Variants in PKN2 observed in about 807,000 individuals in gnomAD.
PKN2 encodes protein kinase N2, also known as serine/threonine-protein kinase N2.
In PKN2, 38 loss-of-function variants were observed where a neutral mutation model predicts 119.1. The observed-to-expected ratio is 0.32, with a 90% CI of 0.25 to 0.42. The LOEUF (loss-of-function observed/expected upper bound fraction) is 0.42. Ranked by LOEUF, PKN2 falls within the 10% of genes least tolerant of loss-of-function variation. The pLI, the probability that PKN2 is intolerant of heterozygous loss-of-function variation, is 1.00. For missense variants in PKN2, 850 were observed against 1,165.1 expected (o/e 0.73, Z 3.94); for synonymous variants, 390 against 384.9 (o/e 1.01, Z -0.15).
chr1:88,798,531 A>G (rs1462213948), intron 8 of PKN2, among the ~76,000 whole-genome samples: 1 of 152,192 alleles, frequency 6.6e-6, no homozygotes, highest in Non-Finnish European at 1.5e-5. Context: ...AATAGGAAAT[A>G]TAACTTCTGA....
chr1:88,684,828 C>A, intron 1 of PKN2, 200 bp downstream of exon 1: 1 of 507,826 alleles, frequency 2.0e-6, no homozygotes, highest in Non-Finnish European at 3.5e-6. Context: ...CCGCCAAAGC[C>A]CTGGCCTGCC....
intron 3 of PKN2, among the ~76,000 whole-genome samples, chr1:88,767,353 G>C (rs963648779): frequency 2.6e-5 from 4 of 152,148 alleles, no homozygotes; most frequent in South Asian, 2.1e-4. Context: ...AAATACATTT[G>C]TCCCATTAAA....
At chr1:88,699,290 T>C (rs1439632282) in intron 1 of PKN2, among the ~76,000 whole-genome samples, 1 of 152,230 alleles carries the variant, frequency 6.6e-6, no homozygotes, top group Non-Finnish European at 1.5e-5. Context: ...TTCAGATGTA[T>C]ATATTTCATT....
intron 12 of PKN2, chr1:88,806,400 C>A (rs1041446333): frequency 5.1e-6 from 1 of 197,418 alleles, no homozygotes; most frequent in Non-Finnish European, 1.0e-5. Flanking sequence ...AAACTCCTGA[C>A]CTCGGGTGAT....
chr1:88,694,860 G>T (rs1274810099), intron 1 of PKN2, among the ~76,000 whole-genome samples: 1 of 152,176 alleles, frequency 6.6e-6, no homozygotes, highest in Non-Finnish European at 1.5e-5. Context: ...TGAATATGGA[G>T]ATAGGTCTGA....
At chr1:88,690,031 T>C (rs1055145284) in intron 1 of PKN2, among the ~76,000 whole-genome samples, 1 of 152,252 alleles carries the variant, frequency 6.6e-6, no homozygotes, top group Non-Finnish European at 1.5e-5. Flanking sequence ...GATAAAAGTC[T>C]GTGTTAAAAC....
intron 2 of PKN2, among the ~76,000 whole-genome samples, chr1:88,758,896 T>C (rs780746400): frequency 2.0e-5 from 3 of 152,230 alleles, no homozygotes; most frequent in Non-Finnish European, 2.9e-5. Flanking sequence ...GCTTTGGGTA[T>C]ATACCCAGTA....
At chr1:88,764,196 A>G (rs1369124787) in intron 3 of PKN2, among the ~76,000 whole-genome samples, 1 of 152,000 alleles carries the variant, frequency 6.6e-6, no homozygotes, top group African/African-American at 2.4e-5. Context: ...CTTCTTTTCT[A>G]TCCCTTAAAC....
chr1:88,827,906 T>C (rs981905860), intron 18 of PKN2, among the ~76,000 whole-genome samples: 4 of 151,532 alleles, frequency 2.6e-5, no homozygotes, highest in African/African-American at 9.7e-5. Context: ...TTGTTTTTTT[T>C]GTAGAGACGG....
At chr1:88,803,815 T>C (rs1025382419) in intron 8 of PKN2, among the ~76,000 whole-genome samples, 2 of 152,206 alleles carry the variant, frequency 1.3e-5, no homozygotes, top group African/African-American at 2.4e-5. Flanking sequence ...TTCCCCTTTC[T>C]TCCTTTCGTA....
rs576560391 is a variant in PKN2, at chr1:88,751,498, C to G, written c.350-8724C>G. ...GGCTGTATATGATATAACTAGTTCC[C>G]TGTATTAAGTTCCCTCTGTCCAAAA... is the stretch of plus-strand genomic sequence containing the variant. On this transcript the variant is annotated intron_variant, in intron 2 of 21. Transcript: ENST00000370521. 7.5e-4 allele frequency among the ~76,000 whole-genome samples: 114 copies of G among 152,094 alleles called. 1 individual carries two copies. The highest frequency in any genetic ancestry group is 1.1e-3 in the Non-Finnish European group (73 of 67,956).
chr1:88,686,356 C>G (rs185720198), intron 1 of PKN2, among the ~76,000 whole-genome samples: 3 of 152,136 alleles, frequency 2.0e-5, no homozygotes, highest in Non-Finnish European at 4.4e-5. Context: ...TACTTTGGCA[C>G]TGGAACTGAA....
chr1:88,805,010 T>G (rs1671480161), intron 10 of PKN2, 89 bp downstream of exon 10: 6 of 629,036 alleles, frequency 9.5e-6, no homozygotes, highest in South Asian at 2.1e-5. Flanking sequence ...TCTGTGTGGG[T>G]TTTTTTGTTG....
chr1:88,811,291 T>G (rs773144642), intron 15 of PKN2, among the ~76,000 whole-genome samples: 2 of 152,234 alleles, frequency 1.3e-5, no homozygotes, highest in Non-Finnish European at 2.9e-5. Flanking sequence ...AACCAGCTTA[T>G]GTAGGATTCA....
chr1:88,816,910 G>A (rs1332127110), intron 16 of PKN2: 1 of 152,122 alleles, frequency 6.6e-6, no homozygotes, highest in Admixed American at 6.6e-5. Flanking sequence ...GTAATTAATA[G>A]CCTACCAACC....
intron 1 of PKN2, among the ~76,000 whole-genome samples, chr1:88,689,985 T>A (rs1048017034): frequency 5.3e-5 from 8 of 152,244 alleles, no homozygotes; most frequent in African/African-American, 1.9e-4. Flanking sequence ...GAATTAAACA[T>A]ACTAAATAAC....
intron 1 of PKN2, among the ~76,000 whole-genome samples, chr1:88,719,351 C>T (rs1030423973): frequency 2.6e-5 from 4 of 152,100 alleles, no homozygotes; most frequent in African/African-American, 9.7e-5. Context: ...CCTTCCAGCT[C>T]GGAGTAACTA....
intron 2 of PKN2, among the ~76,000 whole-genome samples, chr1:88,743,410 A>G (rs1055797928): frequency 3.9e-5 from 6 of 152,132 alleles, no homozygotes; most frequent in Non-Finnish European, 4.4e-5. Context: ...TCCATCTTCT[A>G]TCACTTTAGA....
chr1:88,753,872 C>G (rs1669098971), intron 2 of PKN2, among the ~76,000 whole-genome samples: 1 of 152,106 alleles, frequency 6.6e-6, no homozygotes, highest in Non-Finnish European at 1.5e-5. Context: ...CAGATCCAAA[C>G]CATATCGCAA....
Sources: gnomAD v4.1 joint callset for allele counts (sites outside exome capture counted in the v4.1 genomes callset) on GRCh38, gnomAD v4.1.1 for gene constraint, MANE v1.5 for transcripts, NCBI Gene and HGNC (gene_info 2026-07-23, HGNC 2026-07-21) for gene names.